Variants in PTGR3 observed in about 807,000 individuals in gnomAD.
PTGR3 encodes the protein prostaglandin reductase 3.
the PTGR3 span, chr18:75,202,195 G>T: frequency 6.2e-7 from 1 of 1,614,106 alleles, no homozygotes; most frequent in South Asian, 1.1e-5. Context: ...GCCACAGCTT[G>T]GCCAACTGTG....
chr18:75,200,602 A>C, the PTGR3 span: 3 of 152,034 alleles, frequency 2.0e-5, no homozygotes, highest in Non-Finnish European at 2.9e-5. Context: ...TTTTGTGGTG[A>C]ACCCCCACTG....
chr18:75,198,903 C>T, the PTGR3 span: 131 of 152,744 alleles, frequency 8.6e-4, no homozygotes, highest in Non-Finnish European at 1.5e-3. Context: ...TACCGTTTCA[C>T]CTCCCATTAG....
At chr18:75,203,236 C>A in the PTGR3 span, among the ~76,000 whole-genome samples, 23 of 152,134 alleles carry the variant, frequency 1.5e-4, 1 homozygote, top group Admixed American at 1.4e-3. Flanking sequence ...CTCAGTATAC[C>A]TCCTAACAAA....
At chr18:75,205,199 G>A in the PTGR3 span, 1 of 985,396 alleles carries the variant, frequency 1.0e-6, no homozygotes, top group Non-Finnish European at 1.2e-6. Flanking sequence ...TTACCTCTGC[G>A]TGAGGGTCCG....
the PTGR3 span, chr18:75,195,395 T>C: frequency 6.6e-6 from 1 of 152,142 alleles, no homozygotes; most frequent in Non-Finnish European, 1.5e-5. Context: ...TTCAAACCCC[T>C]AGTCAGCCGT....
the PTGR3 span, chr18:75,201,521 A>C: frequency 6.2e-7 from 1 of 1,614,204 alleles, no homozygotes; most frequent in East Asian, 2.2e-5. Flanking sequence ...CCAGGCCAGT[A>C]AACCTGCCCT....
chr18:75,195,276 T>A, the PTGR3 span: 1 of 152,250 alleles, frequency 6.6e-6, no homozygotes, highest in Admixed American at 6.5e-5. Context: ...TGATCTGGAA[T>A]CCTAATTGTG....
the PTGR3 span, among the ~76,000 whole-genome samples, chr18:75,208,145 G>A: frequency 6.6e-6 from 1 of 152,222 alleles, no homozygotes; most frequent in Non-Finnish European, 1.5e-5. Context: ...GCAACAACCC[G>A]GTGTCACCTG....
At chr18:75,198,655 C>A in the PTGR3 span, 1 of 152,088 alleles carries the variant, frequency 6.6e-6, no homozygotes, top group African/African-American at 2.4e-5. Flanking sequence ...GAAGTCATAA[C>A]CAAATGGTAA....
the PTGR3 span, chr18:75,205,089 C>G: frequency 4.1e-5 from 38 of 929,550 alleles, no homozygotes; most frequent in Non-Finnish European, 4.9e-5. Flanking sequence ...TCCCTGCCTC[C>G]GGTTCGCGGA....
the PTGR3 span, chr18:75,209,106 C>G: frequency 7.2e-7 from 1 of 1,396,230 alleles, no homozygotes; most frequent in Non-Finnish European, 9.3e-7. The surrounding 1 kb of genome is among the most constrained non-coding windows in gnomAD (Gnocchi z 4.7). Flanking sequence ...CCGGGGTCGG[C>G]CCCCGCCCGG....
the PTGR3 span, chr18:75,208,534 C>T: frequency 3.7e-6 from 4 of 1,076,170 alleles, no homozygotes; most frequent in South Asian, 9.1e-5. Flanking sequence ...TTCTGGGTCC[C>T]GTCGGTTTTA....
the PTGR3 span, among the ~76,000 whole-genome samples, chr18:75,206,788 G>A: frequency 6.6e-6 from 1 of 152,190 alleles, no homozygotes; most frequent in Non-Finnish European, 1.5e-5. Context: ...GTGTGTGCAG[G>A]GAAAAAAGAG....
the PTGR3 span, among the ~76,000 whole-genome samples, chr18:75,205,899 C>G: frequency 6.6e-6 from 1 of 152,150 alleles, no homozygotes; most frequent in East Asian, 1.9e-4. Flanking sequence ...AACGCCTTCC[C>G]CATCCCCCAC....
At chr18:75,201,953 A>G in the PTGR3 span, 1 of 1,614,220 alleles carries the variant, frequency 6.2e-7, no homozygotes, top group East Asian at 2.2e-5. Flanking sequence ...TTCCAATTAC[A>G]TGGCACTTTG....
chr18:75,205,013 G>C, the PTGR3 span, among the ~76,000 whole-genome samples: 2 of 152,210 alleles, frequency 1.3e-5, no homozygotes, highest in Non-Finnish European at 2.9e-5. Flanking sequence ...AGGAGGCTTA[G>C]GCTGGCTGAC....
chr18:75,205,247 G>A, the PTGR3 span: 4 of 985,652 alleles, frequency 4.1e-6, no homozygotes, highest in Non-Finnish European at 4.8e-6. Context: ...ACAAGTTCAA[G>A]CGCAGCAGGC....
the PTGR3 span, among the ~76,000 whole-genome samples, chr18:75,204,318 A>T: frequency 6.6e-6 from 1 of 152,370 alleles, no homozygotes; most frequent in South Asian, 2.1e-4. Flanking sequence ...GAGATGGAGC[A>T]GGACGCACAC....
the PTGR3 span, among the ~76,000 whole-genome samples, chr18:75,204,418 G>A: frequency 1.3e-5 from 2 of 152,230 alleles, no homozygotes; most frequent in African/African-American, 4.8e-5. Context: ...CTGGGAGCTG[G>A]GGCGGCTGCA....
Sources: allele counts gnomAD v4.1 joint callset (sites outside exome capture counted in the v4.1 genomes callset), GRCh38; gene constraint gnomAD v4.1.1; non-coding constraint Gnocchi (gnomAD v3.1); transcripts MANE v1.5; gene names NCBI Gene and HGNC (gene_info 2026-07-23, HGNC 2026-07-21).